NFASC: variants seen among roughly 807,000 people sequenced by gnomAD.
The protein encoded by NFASC is neurofascin, also known as neurofascin homolog.
Under a neutral mutation model 147.5 loss-of-function variants are expected in NFASC, and 43 were observed. The ratio of observed to expected loss-of-function variants is 0.29; its 90% CI spans 0.23 to 0.38. The LOEUF (loss-of-function observed/expected upper bound fraction) is 0.38, where lower values mean the gene tolerates loss of function less well. Among genes scored for constraint, NFASC ranks in the 10% least tolerant of loss-of-function variants. The pLI, the probability that NFASC is intolerant of heterozygous loss-of-function variation, is 1.00. For synonymous variants in NFASC, 622 were observed against 665.5 expected (o/e 0.93, Z 1.01); for missense variants, 1,320 against 1,689.0 (o/e 0.78, Z 3.83).
intron 28 of NFASC, 32 bp from the exon 29 acceptor site, chr1:205,012,765 T>C (rs757247420): frequency 6.5e-7 from 1 of 1,532,086 alleles, no homozygotes; most frequent in South Asian, 1.1e-5. Context: ...TTAATCGTCG[T>C]GTCTGTGTCT....
At chr1:204,891,861 C>A (rs946188562) in intron 1 of NFASC, among the ~76,000 whole-genome samples, 1 of 152,160 alleles carries the variant, frequency 6.6e-6, no homozygotes, top group Non-Finnish European at 1.5e-5. Flanking sequence ...AGGCAACAAG[C>A]ATGGCTGCCA....
At chr1:204,902,093 A>G (rs1160772655) in intron 1 of NFASC, among the ~76,000 whole-genome samples, 1 of 152,212 alleles carries the variant, frequency 6.6e-6, no homozygotes, top group Non-Finnish European at 1.5e-5. Context: ...TAGGAATTCG[A>G]GACCAGCCTG....
chr1:205,013,414 A>G (rs2096287866), intron 29 of NFASC, among the ~76,000 whole-genome samples: 1 of 152,166 alleles, frequency 6.6e-6, no homozygotes, highest in South Asian at 2.1e-4. Flanking sequence ...TGGGCCTTGG[A>G]AAGGCTTCTG....
chr1:204,988,848 T>G lies in NFASC; in HGVS notation c.2767+42T>G. On this transcript the variant is annotated intron_variant, in intron 23 of 29. Transcript: ENST00000339876. ...AGCCCCTGGGGTAAAAGGTCCCAGC[T>G]AATTCCGAGGCCTAGAGAAACACTG... The G allele has an allele frequency of 1.9e-6, 3 of 1,583,084 alleles. No individual in the cohort carries two copies. In the South Asian group the frequency reaches 3.3e-5, roughly 18 times the overall value.
At chr1:204,927,687 G>A (rs1228090216) in intron 2 of NFASC, among the ~76,000 whole-genome samples, 1 of 151,920 alleles carries the variant, frequency 6.6e-6, no homozygotes, top group East Asian at 1.9e-4. Context: ...TGTCACACAA[G>A]ATTATCACTC....
At chr1:204,970,867 G>A in intron 11 of NFASC, 120 bp downstream of exon 11, 4 of 1,288,620 alleles carry the variant, frequency 3.1e-6, no homozygotes, top group South Asian at 2.7e-5. Context: ...AAGCCCACTG[G>A]TGGCTGTTTC....
intron 27 of NFASC, among the ~76,000 whole-genome samples, chr1:205,003,272 CTTTG>C (rs752273221): frequency 4.6e-5 from 7 of 152,262 alleles, no homozygotes; most frequent in Non-Finnish European, 7.4e-5. Context: ...TTGTTTGGGG[CTTTG>C]TTTTTGTCCC....
intron 1 of NFASC, among the ~76,000 whole-genome samples, chr1:204,867,095 G>A (rs958710086): frequency 1.3e-5 from 2 of 152,134 alleles, no homozygotes; most frequent in Non-Finnish European, 2.9e-5. Context: ...AGGTGCAGTC[G>A]GATTACTGAA....
chr1:204,851,724 C>T (rs2075715669), intron 1 of NFASC, among the ~76,000 whole-genome samples: 4 of 152,194 alleles, frequency 2.6e-5, no homozygotes. Flanking sequence ...TGCCTTTATG[C>T]ATATAACAAT....
rs973720863 is a variant in NFASC at position 204,986,225 on chromosome 1, C to T, written c.2471-1193C>T. On this transcript the variant is annotated intron_variant, in intron 21 of 29. Coordinates refer to ENST00000339876, the MANE Select transcript of NFASC (RefSeq NM_001005388.3). This position sits in a 1 kb window ranked among gnomAD's most constrained non-coding sequence, Gnocchi z 4.2. ...CATGGATGGCACAAGGTGACTTCTG[C>T]GAGGCCTCCAGGAGCGGATGACCTG... 11 of 765,812 alleles carry T rather than the reference C, an allele frequency of 1.4e-5. No individual in the cohort carries two copies. Among genetic ancestry groups the T allele is most frequent in the South Asian group, 6.7e-5 (4 of 60,094 alleles). The allele number at this position is 765,812 out of a possible 1,614,324, so 47.4% of individuals were successfully genotyped here. A position where few individuals can be genotyped will look rare whatever the true frequency, so the allele number is the denominator to read the frequency against.
intron 2 of NFASC, among the ~76,000 whole-genome samples, chr1:204,926,382 A>G (rs1323513992): frequency 7.2e-4 from 9 of 12,414 alleles, no homozygotes; most frequent in Admixed American, 8.4e-4. Context: ...TTTTTCATGT[A>G]TATATATATA....
At chr1:204,923,504 C>A (rs887441852) in intron 2 of NFASC, among the ~76,000 whole-genome samples, 2 of 152,168 alleles carry the variant, frequency 1.3e-5, no homozygotes, top group African/African-American at 4.8e-5. Context: ...TTCAATTTCC[C>A]AAAAGGATCT....
chr1:204,912,643 C>G (rs962030525), intron 1 of NFASC, among the ~76,000 whole-genome samples: 2 of 151,870 alleles, frequency 1.3e-5, no homozygotes, highest in East Asian at 3.9e-4. Flanking sequence ...TTCGATGCAG[C>G]AGTGAGCTAT....
chr1:204,840,444 T>C (rs925023749), intron 1 of NFASC, among the ~76,000 whole-genome samples: 4 of 152,348 alleles, frequency 2.6e-5, no homozygotes, highest in Non-Finnish European at 5.9e-5. Flanking sequence ...GCTGTGCTTT[T>C]CACGTGGCTA....
chr1:204,832,126 G>A (rs1188094506), intron 1 of NFASC, among the ~76,000 whole-genome samples: 1 of 152,138 alleles, frequency 6.6e-6, no homozygotes, highest in African/African-American at 2.4e-5. Flanking sequence ...AAGGGCTAGA[G>A]GGGTAATGTT....
At position 204,979,500 on chromosome 1, in the gene NFASC, A is replaced by G; in HGVS notation, c.2117A>G (p.Asn706Ser). ...TACCAGTTCCGTGTCATTGCCATCA[A>G]CGAGGTTGGGAGCAGCCACCCCAGC... is the stretch of plus-strand genomic sequence containing the variant. Reference protein sequence around the residue: ...VNYQFRVIAINEVGSSHPSLP... With the variant: ...VNYQFRVIAISEVGSSHPSLP... Residue 706 changes from asparagine (N) to serine (S), a missense_variant, in exon 19 of 30, where the codon AAC (asparagine) becomes AGC (serine). Asn to Ser is a conservative substitution (Grantham distance 46). Coordinates refer to ENST00000339876, the MANE Select transcript of NFASC (RefSeq NM_001005388.3). This position sits in a 1 kb window ranked among gnomAD's most constrained non-coding sequence, Gnocchi z 6.0. 5 of 1,613,810 alleles carry G rather than the reference A, an allele frequency of 3.1e-6. No individual in the cohort carries two copies. The highest frequency in any genetic ancestry group is 4.2e-6 in the Non-Finnish European group (5 of 1,180,028).
At chr1:204,856,555 A>G (rs559823136) in intron 1 of NFASC, among the ~76,000 whole-genome samples, 4 of 152,312 alleles carry the variant, frequency 2.6e-5, no homozygotes, top group Admixed American at 2.0e-4. Context: ...TTTTCAAGTG[A>G]ACGATTCAGT....
intron 1 of NFASC, among the ~76,000 whole-genome samples, chr1:204,855,118 G>C (rs1436433013): frequency 6.6e-6 from 1 of 152,262 alleles, no homozygotes; most frequent in African/African-American, 2.4e-5. Context: ...TCTATCTGCT[G>C]TCAGTCCACC....
In NFASC at chr1:204,986,247, C is replaced by A. The variant is rs1406292754; in HGVS notation, c.2471-1171C>A. ...CTGCGAGGCCTCCAGGAGCGGATGACCTGCAAGCCGAGCCACTACAGCCAT... is the reference window on the plus strand; with the variant it reads ...CTGCGAGGCCTCCAGGAGCGGATGAACTGCAAGCCGAGCCACTACAGCCAT... On this transcript the variant is annotated intron_variant, in intron 21 of 29. Coordinates refer to ENST00000339876, the MANE Select transcript of NFASC (RefSeq NM_001005388.3). This position sits in a 1 kb window ranked among gnomAD's most constrained non-coding sequence, Gnocchi z 4.2. 2 of 664,258 alleles carry A rather than the reference C, an allele frequency of 3.0e-6. No homozygotes were observed. The highest frequency in any genetic ancestry group is 2.3e-5 in the Admixed American group (1 of 43,110). The allele number at this position is 664,258 out of a possible 1,614,324, so 41.1% of individuals were successfully genotyped here.
Sources: allele counts gnomAD v4.1 joint callset (sites outside exome capture counted in the v4.1 genomes callset), GRCh38; gene constraint gnomAD v4.1.1; non-coding constraint Gnocchi (gnomAD v3.1); transcripts MANE v1.5; gene names NCBI Gene and HGNC (gene_info 2026-07-23, HGNC 2026-07-21).